SLC7A7: variants seen among roughly 807,000 people sequenced by gnomAD.
The protein encoded by SLC7A7 is Y+L amino acid transporter 1.
SLC7A7 carries 39 observed loss-of-function variants against 47.9 expected under a neutral mutation model. That is an observed-to-expected ratio of 0.81 (90% CI 0.63 to 1.06). The LOEUF (loss-of-function observed/expected upper bound fraction) is 1.06, where lower values mean the gene tolerates loss of function less well. SLC7A7 is among the 50% of genes least tolerant of loss of function. SLC7A7 has a pLI of 0.00. For missense variants in SLC7A7, 588 were observed against 632.0 expected, an observed-to-expected ratio of 0.93 and a Z score of 0.75; for synonymous variants, 234 against 242.8, an observed-to-expected ratio of 0.96 and a Z score of 0.34.
intron 2 of SLC7A7, among the ~76,000 whole-genome samples, chr14:22,791,036 T>C (rs1394611840): frequency 6.6e-6 from 1 of 151,348 alleles, no homozygotes; most frequent in Non-Finnish European, 1.5e-5. Flanking sequence ...TTTATTAGCC[T>C]TACTTGTAAT....
At chr14:22,801,765 C>G (rs1389043184) in intron 2 of SLC7A7, among the ~76,000 whole-genome samples, 1 of 152,126 alleles carries the variant, frequency 6.6e-6, no homozygotes, top group Non-Finnish European at 1.5e-5. Flanking sequence ...CAGAGCGAGA[C>G]TCCGTCTCAA....
Position 22,773,506 on chromosome 14 carries a change from C to A in SLC7A7, c.*104G>T. 1.0e-6 allele frequency: 1 copy of A among 954,790 alleles called. No homozygotes were observed. Among genetic ancestry groups the A allele is most frequent in the Non-Finnish European group, 1.7e-6 (1 of 591,220 alleles). The allele number at this position is 954,790 out of a possible 1,614,324, so 59.1% of individuals were successfully genotyped here. ...GGTTGAAGCTGCCTAGGCCAGGCTT[C>A]TGGACAGGTGCCTCCAAAGAAGTGA... On this transcript the variant is annotated 3_prime_UTR_variant, in exon 10 of 10. Coordinates refer to ENST00000674313, the MANE Select transcript of SLC7A7 (RefSeq NM_003982.4).
intron 2 of SLC7A7, among the ~76,000 whole-genome samples, chr14:22,783,709 T>G (rs2038762506): frequency 6.6e-6 from 1 of 151,946 alleles, no homozygotes; most frequent in Non-Finnish European, 1.5e-5. Context: ...GTGCCCAGTC[T>G]CTTCTCTACT....
intron 2 of SLC7A7, among the ~76,000 whole-genome samples, chr14:22,793,262 G>T (rs1015532272): frequency 5.3e-5 from 8 of 152,122 alleles, no homozygotes; most frequent in Non-Finnish European, 1.0e-4. Context: ...GCTTACTCAG[G>T]TGTCATGGGT....
chr14:22,778,719 C>A, intron 4 of SLC7A7, 74 bp downstream of exon 4: 1 of 1,518,908 alleles, frequency 6.6e-7, no homozygotes, highest in South Asian at 1.2e-5. Context: ...TTGTGGTATG[C>A]TGTCTGGCAC....
Position 22,806,263 on chromosome 14 carries a change from T to C in SLC7A7, c.499+6637A>G, listed in dbSNP as rs1281163486. Among the ~76,000 whole-genome samples, 6 of 129,500 alleles carry C rather than the reference T, an allele frequency of 4.6e-5. No homozygotes were observed. The Admixed American group carries it at 5.2e-4, about 11-fold the overall frequency. The allele number at this position is 129,500 out of a possible 152,430, so 85.0% of individuals were successfully genotyped here. A position where few individuals can be genotyped will look rare whatever the true frequency, so the allele number is the denominator to read the frequency against. ...CAGGCTAGAGTGCAATGGTGCAATC[T>C]CGGCTCACTGCAACCTCCACCTCCC... On this transcript the variant is annotated intron_variant, in intron 2 of 9. Coordinates refer to ENST00000674313, the MANE Select transcript of SLC7A7 (RefSeq NM_003982.4).
At chr14:22,785,908 G>C (rs1311196190) in intron 2 of SLC7A7, among the ~76,000 whole-genome samples, 1 of 151,384 alleles carries the variant, frequency 6.6e-6, no homozygotes, top group Non-Finnish European at 1.5e-5. Context: ...TATAGTCCCA[G>C]ACACTCAGGA....
chr14:22,806,597 G>A (rs1487687864), intron 2 of SLC7A7, among the ~76,000 whole-genome samples: 2 of 151,986 alleles, frequency 1.3e-5, no homozygotes, highest in African/African-American at 4.8e-5. Context: ...ACCTGTCCAA[G>A]CTCAAATCTC....
intron 9 of SLC7A7, 84 bp downstream of exon 9, chr14:22,773,849 G>T (rs1166211000): frequency 2.5e-6 from 4 of 1,581,384 alleles, no homozygotes; most frequent in Admixed American, 1.7e-5. Flanking sequence ...CTAAGGCAAA[G>T]ATGTCTTTGG....
At chr14:22,804,608 A>G (rs781398821) in intron 2 of SLC7A7, among the ~76,000 whole-genome samples, 2 of 152,240 alleles carry the variant, frequency 1.3e-5, no homozygotes, top group African/African-American at 2.4e-5. Context: ...CAAACATGAA[A>G]AAAAGCTCAA....
chr14:22,798,288 ACT>A (rs1375902759), intron 2 of SLC7A7, among the ~76,000 whole-genome samples: 2 of 150,146 alleles, frequency 1.3e-5, no homozygotes, highest in East Asian at 4.0e-4. Flanking sequence ...CAAGAGTGAA[ACT>A]CTGTCAAAAA....
Position 22,774,040 on chromosome 14 carries a change from A to C in SLC7A7, c.1322T>G (p.Ile441Ser). The change falls in exon 9 of 10, where the codon ATC (isoleucine) becomes AGC (serine). Residue 441 changes from isoleucine (I) to serine (S), a missense_variant. Ile to Ser is a moderately radical substitution (Grantham distance 142). Coordinates refer to ENST00000674313, the MANE Select transcript of SLC7A7 (RefSeq NM_003982.4). ...LVAVPLYSDTINSLIGIAIAL... is the reference protein window; with the variant it reads ...LVAVPLYSDTSNSLIGIAIAL... ...AATGGCAATGCCGATGAGGGAGTTG[A>C]TAGTATCACTGTAAAGTGGAACAGC... 1 of 1,614,104 alleles carries C rather than the reference A, an allele frequency of 6.2e-7. No individual in the cohort carries two copies. The highest frequency in any genetic ancestry group is 8.5e-7 in the Non-Finnish European group (1 of 1,180,010).
intron 2 of SLC7A7, among the ~76,000 whole-genome samples, chr14:22,780,950 T>A (rs918990291): frequency 2.0e-5 from 3 of 152,182 alleles, no homozygotes; most frequent in South Asian, 2.1e-4. Flanking sequence ...TTGAAGAAGT[T>A]CAACAAGGGA....
At chr14:22,784,348 A>ATG (rs2038774367) in intron 2 of SLC7A7, among the ~76,000 whole-genome samples, 2 of 152,012 alleles carry the variant, frequency 1.3e-5, no homozygotes, top group African/African-American at 4.8e-5. Context: ...GGCCGGGTGC[A>ATG]GTGGCTCACG....
chr14:22,805,305 C>A (rs918067972), intron 2 of SLC7A7, among the ~76,000 whole-genome samples: 78 of 152,304 alleles, frequency 5.1e-4, no homozygotes, highest in African/African-American at 1.9e-3. Context: ...GCAGAGGTTG[C>A]AGTTAGCCAA....
chr14:22,777,631 G>A (rs886841223), intron 4 of SLC7A7, among the ~76,000 whole-genome samples: 12 of 152,148 alleles, frequency 7.9e-5, no homozygotes, highest in Admixed American at 3.9e-4. Context: ...GTTTCTGTCC[G>A]GTAGGTGGAA....
intron 2 of SLC7A7, among the ~76,000 whole-genome samples, chr14:22,795,176 G>A (rs140446602): frequency 1.4e-4 from 21 of 147,076 alleles, no homozygotes; most frequent in Non-Finnish European, 2.1e-4. Flanking sequence ...GACCAAATGG[G>A]CTTAAACAAT....
chr14:22,784,744 C>T lies in SLC7A7; in HGVS notation c.500-4693G>A, dbSNP rs766594680. 9.2e-5 allele frequency among the ~76,000 whole-genome samples: 14 copies of T among 152,106 alleles called. 1 individual carries two copies. Among genetic ancestry groups the T allele is most frequent in the South Asian group, 6.2e-4 (3 of 4,830 alleles). The stretch of plus-strand genomic sequence containing the variant: ...TTCTAGTGGTAAGGCCCAGCATCAG[C>T]GCTAGAACTAAAAGCCAGAAAGCAC... On this transcript the variant is annotated intron_variant, in intron 2 of 9. Coordinates refer to ENST00000674313, the MANE Select transcript of SLC7A7 (RefSeq NM_003982.4).
chr14:22,817,336 T>C, upstream of SLC7A7: 1 of 220,520 alleles, frequency 4.5e-6, no homozygotes, highest in Non-Finnish European at 9.1e-6. Flanking sequence ...TTTATTTTAT[T>C]TTATTTTATT....
Sources: allele counts gnomAD v4.1 joint callset (sites outside exome capture counted in the v4.1 genomes callset), GRCh38; gene constraint gnomAD v4.1.1; transcripts MANE v1.5; gene names NCBI Gene and HGNC (gene_info 2026-07-23, HGNC 2026-07-21).